The following MGAT5 variants were observed in gnomAD, a reference collection of about 807,000 sequenced individuals.
MGAT5 encodes the protein alpha-1,6-mannosylglycoprotein 6-beta-N-acetylglucosaminyltransferase, also known as alpha-1,6-mannosylglycoprotein 6-beta-N-acetylglucosaminyltransferase A.
In MGAT5, 30 loss-of-function variants were observed where a neutral mutation model predicts 94.3. The observed-to-expected ratio is 0.32, with a 90% CI of 0.24 to 0.43. MGAT5 has a LOEUF of 0.43. MGAT5 is among the 20% of genes least tolerant of loss of function. MGAT5 has a pLI of 1.00. For missense variants in MGAT5, 691 were observed against 905.5 expected, an observed-to-expected ratio of 0.76 and a Z score of 3.04; for synonymous variants, 310 against 322.9, an observed-to-expected ratio of 0.96 and a Z score of 0.43.
intron 2 of MGAT5, among the ~76,000 whole-genome samples, chr2:134,283,539 G>A (rs1684824798): frequency 6.6e-6 from 1 of 151,664 alleles, no homozygotes; most frequent in South Asian, 2.1e-4. Flanking sequence ...GTAGGGTTTG[G>A]AGTTTCAGTC....
At chr2:134,417,706 CT>C (rs777673394) in intron 12 of MGAT5, among the ~76,000 whole-genome samples, 1 of 151,956 alleles carries the variant, frequency 6.6e-6, no homozygotes, top group Non-Finnish European at 1.5e-5. Flanking sequence ...CTCTTTTAGT[CT>C]TTTCTCTGTG....
At chr2:134,230,111 T>G (rs1829457) in intron 1 of MGAT5, among the ~76,000 whole-genome samples, 3 of 152,100 alleles carry the variant, frequency 2.0e-5, no homozygotes, top group Non-Finnish European at 2.9e-5. Context: ...TGGCGGATAA[T>G]TTTTCCACGG....
intron 10 of MGAT5, among the ~76,000 whole-genome samples, chr2:134,385,189 C>T (rs1681894634): frequency 6.6e-6 from 1 of 152,212 alleles, no homozygotes; most frequent in African/African-American, 2.4e-5. Flanking sequence ...GTTCTGTTTA[C>T]ATCATTTCCT....
intron 14 of MGAT5, 50 bp from the exon 15 acceptor site, chr2:134,441,708 C>T (rs546915924): frequency 5.7e-6 from 9 of 1,573,262 alleles, no homozygotes; most frequent in Non-Finnish European, 7.8e-6. Flanking sequence ...GGCTGGGGAT[C>T]CCCAGCTGTA....
At chr2:134,128,221 A>G (rs954337399) in intron 1 of MGAT5, among the ~76,000 whole-genome samples, 8 of 152,160 alleles carry the variant, frequency 5.3e-5, no homozygotes, top group East Asian at 1.9e-4. Context: ...AAAAAAAAAA[A>G]AGAGAGAAAG....
At chr2:134,230,742 T>C (rs1187686293) in intron 1 of MGAT5, among the ~76,000 whole-genome samples, 1 of 152,146 alleles carries the variant, frequency 6.6e-6, no homozygotes, top group Non-Finnish European at 1.5e-5. Context: ...GAAAACATTT[T>C]AGCAGTTCCT....
At chr2:134,439,156 A>G (rs530644167) in intron 14 of MGAT5, among the ~76,000 whole-genome samples, 9 of 152,168 alleles carry the variant, frequency 5.9e-5, no homozygotes, top group Non-Finnish European at 1.5e-5. Flanking sequence ...CTTTCTCAGC[A>G]GGCAATGCCT....
intron 1 of MGAT5, among the ~76,000 whole-genome samples, chr2:134,151,364 A>G (rs528728627): frequency 2.3e-5 from 3 of 130,994 alleles, no homozygotes; most frequent in South Asian, 5.3e-4. Flanking sequence ...GACCTCACTC[A>G]CCCATGCCCT....
chr2:134,418,111 C>G (rs541549754), intron 12 of MGAT5, among the ~76,000 whole-genome samples: 1 of 152,164 alleles, frequency 6.6e-6, no homozygotes, highest in South Asian at 2.1e-4. Context: ...AATTAGGACA[C>G]TCTTAAACAC....
At chr2:134,272,259 C>T (rs1684076081) in intron 2 of MGAT5, among the ~76,000 whole-genome samples, 2 of 152,324 alleles carry the variant, frequency 1.3e-5, no homozygotes, top group South Asian at 4.1e-4. Flanking sequence ...TAGTGTACCG[C>T]TTAACAAGCA....
intron 12 of MGAT5, among the ~76,000 whole-genome samples, chr2:134,414,502 CAAAA>C (rs897177761): frequency 6.6e-6 from 1 of 151,900 alleles, no homozygotes; most frequent in African/African-American, 2.4e-5. Context: ...TTATTTTTGA[CAAAA>C]AATATGCTTA....
At chr2:134,368,211 G>A (rs571494763) in intron 10 of MGAT5, among the ~76,000 whole-genome samples, 1 of 152,340 alleles carries the variant, frequency 6.6e-6, no homozygotes, top group South Asian at 2.1e-4. Context: ...CTCTCTGGGT[G>A]AGCTAAGTGT....
At chr2:134,348,537 AT>A (rs761332629) in intron 8 of MGAT5, among the ~76,000 whole-genome samples, 1 of 152,130 alleles carries the variant, frequency 6.6e-6, no homozygotes. Flanking sequence ...TCATGTTTGG[AT>A]TTTTTCCCCC....
chr2:134,336,761 G>A (rs1688358218), intron 5 of MGAT5, among the ~76,000 whole-genome samples: 1 of 152,148 alleles, frequency 6.6e-6, no homozygotes, highest in African/African-American at 2.4e-5. Context: ...GGGAAAATGA[G>A]AGCATAGCAG....
chr2:134,187,506 C>A (rs1689105944), intron 1 of MGAT5, among the ~76,000 whole-genome samples: 1 of 152,186 alleles, frequency 6.6e-6, no homozygotes, highest in South Asian at 2.1e-4. Context: ...CTTTTACTTC[C>A]CCCAGATCTT....
chr2:134,253,830 C>T (rs1001701752), upstream of MGAT5, among the ~76,000 whole-genome samples: 1 of 152,200 alleles, frequency 6.6e-6, no homozygotes, highest in African/African-American at 2.4e-5. Context: ...CTCACCTCAC[C>T]AGTTGCATGT....
intron 1 of MGAT5, among the ~76,000 whole-genome samples, chr2:134,143,978 C>T (rs780070741): frequency 6.6e-6 from 1 of 151,614 alleles, no homozygotes; most frequent in African/African-American, 2.4e-5. Flanking sequence ...GAGGGAAAGG[C>T]TATGCTGGGG....
chr2:134,333,022 T>C (rs1688079469), intron 4 of MGAT5, among the ~76,000 whole-genome samples: 1 of 152,290 alleles, frequency 6.6e-6, no homozygotes, highest in South Asian at 2.1e-4. Context: ...TGGAAGTCAG[T>C]GTGGCGATTC....
intron 10 of MGAT5, among the ~76,000 whole-genome samples, chr2:134,385,432 A>G (rs757808509): frequency 3.9e-5 from 6 of 152,216 alleles, no homozygotes; most frequent in Non-Finnish European, 5.9e-5. Flanking sequence ...ATATACCACA[A>G]TATATATTAA....
Sources: allele counts gnomAD v4.1 joint callset (sites outside exome capture counted in the v4.1 genomes callset), GRCh38; gene constraint gnomAD v4.1.1; transcripts MANE v1.5; gene names NCBI Gene and HGNC (gene_info 2026-07-23, HGNC 2026-07-21).